NTRK3: variants seen among roughly 807,000 people sequenced by gnomAD.
NTRK3 encodes neurotrophic receptor tyrosine kinase 3, also known as NT-3 growth factor receptor.
A neutral mutation model predicts 91.7 loss-of-function variants in NTRK3; 24 were observed. The ratio of observed to expected loss-of-function variants is 0.26; its 90% confidence interval spans 0.19 to 0.37. The LOEUF (loss-of-function observed/expected upper bound fraction) is 0.37. Among genes scored for constraint, NTRK3 ranks in the 10% least tolerant of loss-of-function variants. The pLI is 1.00. For synonymous variants in NTRK3, 483 were observed against 404.0 expected (o/e 1.20, Z -2.34); for missense variants, 880 against 1,068.9 (o/e 0.82, Z 2.46).
At chr15:88,220,472 C>A (rs2050146664) in intron 3 of NTRK3, among the ~76,000 whole-genome samples, 1 of 152,218 alleles carries the variant, frequency 6.6e-6, no homozygotes, top group South Asian at 2.1e-4. Context: ...CTCTGCCACT[C>A]AGTAGCTGTG....
At chr15:88,142,880 T>C (rs1200036306) in intron 6 of NTRK3, among the ~76,000 whole-genome samples, 2 of 152,186 alleles carry the variant, frequency 1.3e-5, no homozygotes, top group Non-Finnish European at 2.9e-5. Flanking sequence ...ATAAGATCAC[T>C]CTCGATTTCA....
chr15:88,153,634 A>G (rs1033436854), intron 5 of NTRK3, among the ~76,000 whole-genome samples: 2 of 152,088 alleles, frequency 1.3e-5, no homozygotes, highest in Non-Finnish European at 2.9e-5. Context: ...AATACCATAT[A>G]CTGGGTGGCT....
chr15:88,004,578 A>G (rs2076355723), intron 14 of NTRK3, among the ~76,000 whole-genome samples: 1 of 152,220 alleles, frequency 6.6e-6, no homozygotes, highest in South Asian at 2.1e-4. Flanking sequence ...GGAAAAAAGA[A>G]CACATTGTCC....
At chr15:88,057,602 T>C (rs1177650735) in intron 13 of NTRK3, among the ~76,000 whole-genome samples, 1 of 152,152 alleles carries the variant, frequency 6.6e-6, no homozygotes, top group African/African-American at 2.4e-5. Flanking sequence ...CTGGTGACCT[T>C]CAAGGAGAGC....
intron 14 of NTRK3, among the ~76,000 whole-genome samples, chr15:87,956,016 T>C (rs1049079758): frequency 1.3e-5 from 2 of 151,958 alleles, no homozygotes; most frequent in Non-Finnish European, 2.9e-5. Context: ...ATAAGCCCCG[T>C]GGTGGGACAA....
intron 13 of NTRK3, among the ~76,000 whole-genome samples, chr15:88,065,319 C>T (rs1024322293): frequency 3.3e-5 from 5 of 152,178 alleles, no homozygotes; most frequent in Non-Finnish European, 7.3e-5. Flanking sequence ...TAGCAGAAAA[C>T]GTTCTTCTTA....
chr15:87,873,097 C>T (rs987627377), exon 19 of NTRK3: 1 of 232,678 alleles, frequency 4.3e-6, no homozygotes. Flanking sequence ...ACAGCTCTCC[C>T]GTTGGTGTTG....
chr15:88,135,228 G>T lies in NTRK3; in HGVS notation c.1077C>A (p.Ser359=), dbSNP rs757991457. ...GCTTGTTGAAGAGCAGGCAGCCCTC[G>T]GAAATCTCTCCCTCTTGGTAGTATT... Residue 359 remains serine (S), a synonymous_variant, in exon 10 of 19, where the codon TCC becomes TCA. Coordinates refer to ENST00000394480, the Ensembl canonical transcript of NTRK3. 5 of 1,614,216 alleles carry T rather than the reference G, an allele frequency of 3.1e-6. No individual in the cohort carries two copies. The South Asian group carries it at 5.5e-5, about 18-fold the overall frequency.
chr15:87,859,954 A>T (rs1473936818), exon 19 of NTRK3: 1 of 189,962 alleles, frequency 5.3e-6, no homozygotes. Context: ...GGATATATAC[A>T]TATATACATG....
chr15:87,987,579 G>A (rs2074929931), intron 14 of NTRK3, among the ~76,000 whole-genome samples: 1 of 151,006 alleles, frequency 6.6e-6, no homozygotes, highest in South Asian at 2.1e-4. Context: ...GTGGGAGTTT[G>A]TTATTTATTC....
intron 17 of NTRK3, among the ~76,000 whole-genome samples, chr15:87,890,570 T>TACAC (rs58806302): frequency 0.053 from 7,873 of 147,772 alleles, 707 homozygotes; most frequent in African/African-American, 0.18. Flanking sequence ...GCTTGTTCTT[T>TACAC]ACACACACAC....
intron 17 of NTRK3, among the ~76,000 whole-genome samples, chr15:87,889,962 A>ATTTATTTAT (rs907742337): frequency 4.8e-5 from 7 of 146,310 alleles, no homozygotes; most frequent in African/African-American, 1.6e-4. Flanking sequence ...TTATTTATTT[A>ATTTATTTAT]TTTATTTATT....
At chr15:87,900,361 G>A (rs2066377756) in intron 17 of NTRK3, among the ~76,000 whole-genome samples, 1 of 152,128 alleles carries the variant, frequency 6.6e-6, no homozygotes, top group South Asian at 2.1e-4. Flanking sequence ...CTGGAATGGG[G>A]ACAGGCAGAG....
intron 14 of NTRK3, among the ~76,000 whole-genome samples, chr15:87,953,660 G>C (rs1479909133): frequency 6.6e-6 from 1 of 152,216 alleles, no homozygotes; most frequent in South Asian, 2.1e-4. Context: ...AGGTCTCTGG[G>C]GCATCAGCCT....
At chr15:88,043,089 A>G (rs1044911192) in intron 13 of NTRK3, among the ~76,000 whole-genome samples, 3 of 152,212 alleles carry the variant, frequency 2.0e-5, no homozygotes, top group Admixed American at 1.3e-4. Flanking sequence ...CTGTGGCATA[A>G]GGATGTAGCT....
chr15:88,131,804 G>C (rs753064243), intron 10 of NTRK3, among the ~76,000 whole-genome samples: 7 of 150,356 alleles, frequency 4.7e-5, no homozygotes, highest in African/African-American at 1.0e-4. Flanking sequence ...AGCTTTGGAA[G>C]AAGGAGACAT....
intron 6 of NTRK3, among the ~76,000 whole-genome samples, chr15:88,138,853 G>A (rs1007152663): frequency 2.0e-5 from 3 of 152,202 alleles, no homozygotes; most frequent in African/African-American, 7.2e-5. Context: ...AACATTGCCT[G>A]TTTTGTTCAT....
intron 5 of NTRK3, among the ~76,000 whole-genome samples, chr15:88,161,067 C>G (rs1425729600): frequency 1.3e-5 from 2 of 152,158 alleles, no homozygotes; most frequent in East Asian, 3.9e-4. Flanking sequence ...AGCAGGTACT[C>G]AATGCATGGC....
At chr15:88,185,417 A>G (rs1197258986) in intron 3 of NTRK3, among the ~76,000 whole-genome samples, 1 of 152,156 alleles carries the variant, frequency 6.6e-6, no homozygotes, top group African/African-American at 2.4e-5. Context: ...GCCAGAAACA[A>G]ACACCCCTCA....
Sources: gnomAD v4.1 joint callset for allele counts (sites outside exome capture counted in the v4.1 genomes callset) on GRCh38, gnomAD v4.1.1 for gene constraint, MANE v1.5 for transcripts, NCBI Gene and HGNC (gene_info 2026-07-23, HGNC 2026-07-21) for gene names.